Variants in RASGRF2 observed in about 807,000 individuals in gnomAD.
RASGRF2 encodes the protein ras-specific guanine nucleotide-releasing factor 2.
RASGRF2 carries 76 observed loss-of-function variants against 151.0 expected under a neutral mutation model. That is an observed-to-expected ratio of 0.50 (90% confidence interval 0.42 to 0.61). The LOEUF (loss-of-function observed/expected upper bound fraction) is 0.61. Ranked by LOEUF, RASGRF2 falls within the 20% of genes least tolerant of loss-of-function variation. RASGRF2 has a pLI of 0.00. For synonymous variants in RASGRF2, 504 were observed against 566.5 expected (o/e 0.89, Z 1.57); for missense variants, 1,148 against 1,564.6 (o/e 0.73, Z 4.49).
chr5:81,190,184 G>C (rs765455710), intron 18 of RASGRF2, among the ~76,000 whole-genome samples: 5 of 152,192 alleles, frequency 3.3e-5, no homozygotes, highest in African/African-American at 7.2e-5. Flanking sequence ...ATGAAATAGA[G>C]AATGCTCCGT....
intron 17 of RASGRF2, among the ~76,000 whole-genome samples, chr5:81,127,923 C>CAAAAA (rs60196392): frequency 0.018 from 1,144 of 62,366 alleles, no homozygotes; most frequent in Middle Eastern, 0.033. Flanking sequence ...GACTCCGTCT[C>CAAAAA]AAAAAAAAAA....
chr5:81,172,071 C>T (rs1754670257), intron 17 of RASGRF2, among the ~76,000 whole-genome samples: 1 of 152,078 alleles, frequency 6.6e-6, no homozygotes, highest in Non-Finnish European at 1.5e-5. Flanking sequence ...TTTATCTGGT[C>T]ATAAATCCTG....
chr5:80,974,989 A>G (rs1748066364), intron 1 of RASGRF2, among the ~76,000 whole-genome samples: 3 of 152,106 alleles, frequency 2.0e-5, no homozygotes, highest in Admixed American at 2.0e-4. Context: ...GAGCTTGTCT[A>G]CTTCCAGTTT....
At chr5:81,198,471 G>A (rs1040164653) in intron 18 of RASGRF2, among the ~76,000 whole-genome samples, 5 of 150,628 alleles carry the variant, frequency 3.3e-5, no homozygotes, top group Admixed American at 6.6e-5. Context: ...ACGGAGTCTC[G>A]CTCTGTCACC....
intron 12 of RASGRF2, among the ~76,000 whole-genome samples, chr5:81,108,260 C>A (rs1194987561): frequency 6.6e-6 from 1 of 152,080 alleles, no homozygotes; most frequent in Non-Finnish European, 1.5e-5. Context: ...TCTTCTCTAA[C>A]CCAAAATAAT....
intron 1 of RASGRF2, among the ~76,000 whole-genome samples, chr5:81,032,885 T>C (rs1478019066): frequency 2.0e-5 from 3 of 152,200 alleles, no homozygotes; most frequent in Non-Finnish European, 4.4e-5. Flanking sequence ...CATGATTGTA[T>C]ATTTAGAAAA....
intron 1 of RASGRF2, among the ~76,000 whole-genome samples, chr5:81,014,267 G>A (rs497522): frequency 0.82 from 124,144 of 152,082 alleles, 51,122 homozygotes; most frequent in Middle Eastern, 0.93. Context: ...CACTGCTGAT[G>A]AAGACACACC....
intron 15 of RASGRF2, 61 bp downstream of exon 15, chr5:81,113,981 C>T (rs1209930761): frequency 1.3e-6 from 2 of 1,529,544 alleles, no homozygotes; most frequent in Admixed American, 3.8e-5. Context: ...GCCTCCTCAC[C>T]CTTCCTTTTG....
At chr5:80,977,802 G>A (rs182500705) in intron 1 of RASGRF2, among the ~76,000 whole-genome samples, 52 of 152,286 alleles carry the variant, frequency 3.4e-4, no homozygotes, top group African/African-American at 1.3e-3. Flanking sequence ...TTTCATTTAA[G>A]TGAGGGCAAT....
At chr5:80,986,079 G>A (rs1440237879) in intron 1 of RASGRF2, among the ~76,000 whole-genome samples, 1 of 152,134 alleles carries the variant, frequency 6.6e-6, no homozygotes, top group Non-Finnish European at 1.5e-5. Flanking sequence ...CTAGCAAGCA[G>A]AGCTCTACTA....
intron 1 of RASGRF2, among the ~76,000 whole-genome samples, chr5:81,029,229 A>G (rs910863684): frequency 2.0e-5 from 3 of 152,246 alleles, no homozygotes; most frequent in Admixed American, 6.5e-5. Context: ...AGGGCAGGGC[A>G]TAGCTGAACA....
At chr5:81,115,921 T>A (rs1174298790) in intron 15 of RASGRF2, among the ~76,000 whole-genome samples, 1 of 151,970 alleles carries the variant, frequency 6.6e-6, no homozygotes, top group Non-Finnish European at 1.5e-5. Context: ...AGCAGGGAGA[T>A]CACATCTGGT....
intron 4 of RASGRF2, among the ~76,000 whole-genome samples, chr5:81,072,587 G>A (rs1413796342): frequency 1.3e-5 from 2 of 151,974 alleles, no homozygotes; most frequent in Non-Finnish European, 2.9e-5. Context: ...AGTTAATTAT[G>A]TTATAATTTT....
chr5:81,104,978 CAG>C (rs147890951), intron 12 of RASGRF2, among the ~76,000 whole-genome samples: 1 of 152,184 alleles, frequency 6.6e-6, no homozygotes. Flanking sequence ...TTGAACCCTG[CAG>C]AGTTTCCTGG....
chr5:81,217,078 A>G, intron 24 of RASGRF2: 2 of 453,574 alleles, frequency 4.4e-6, no homozygotes, highest in East Asian at 5.5e-5. Flanking sequence ...AATTACTGCT[A>G]GCAAATGCTT....
chr5:81,177,024 A>T (rs746665665), intron 17 of RASGRF2, among the ~76,000 whole-genome samples: 7 of 152,002 alleles, frequency 4.6e-5, no homozygotes, highest in Non-Finnish European at 7.4e-5. Context: ...TTCCCACTTC[A>T]TGAAGGTCCT....
At chr5:81,213,856 A>C (rs1755676765) in intron 23 of RASGRF2, among the ~76,000 whole-genome samples, 2 of 152,114 alleles carry the variant, frequency 1.3e-5, no homozygotes, top group African/African-American at 4.8e-5. Context: ...ATACTGGTTA[A>C]AAACAAAAAA....
At chr5:81,016,900 A>C (rs188820176) in intron 1 of RASGRF2, among the ~76,000 whole-genome samples, 26 of 152,340 alleles carry the variant, frequency 1.7e-4, no homozygotes, top group African/African-American at 6.0e-4. Context: ...TGGGAGAATC[A>C]GAACTGTTTT....
At chr5:81,136,320 G>A (rs1240862573) in intron 17 of RASGRF2, among the ~76,000 whole-genome samples, 1 of 152,088 alleles carries the variant, frequency 6.6e-6, no homozygotes, top group Non-Finnish European at 1.5e-5. Context: ...TTCTGGCAGG[G>A]CAGGTCTGCC....
Sources: allele counts gnomAD v4.1 joint callset (sites outside exome capture counted in the v4.1 genomes callset), GRCh38; gene constraint gnomAD v4.1.1; transcripts MANE v1.5; gene names NCBI Gene and HGNC (gene_info 2026-07-23, HGNC 2026-07-21).